Variants in BAIAP2 observed in about 807,000 individuals in gnomAD.
The protein encoded by BAIAP2 is BAR/IMD domain containing adaptor protein 2.
In BAIAP2, 18 loss-of-function variants were observed where a neutral mutation model predicts 63.0. The ratio of observed to expected loss-of-function variants is 0.29; its 90% confidence interval spans 0.20 to 0.42. The LOEUF (loss-of-function observed/expected upper bound fraction) is 0.42, where lower values mean the gene tolerates loss of function less well. Ranked by LOEUF, BAIAP2 falls within the 10% of genes least tolerant of loss-of-function variation. The pLI, the probability that BAIAP2 is intolerant of heterozygous loss-of-function variation, is 1.00. For synonymous variants in BAIAP2, 386 were observed against 307.6 expected, an observed-to-expected ratio of 1.25 and a Z score of -2.67; for missense variants, 610 against 734.3, an observed-to-expected ratio of 0.83 and a Z score of 1.96.
chr17:81,072,673 C>T (rs371436924), intron 3 of BAIAP2, among the ~76,000 whole-genome samples: 2 of 152,284 alleles, frequency 1.3e-5, no homozygotes, highest in Non-Finnish European at 2.9e-5. Flanking sequence ...GCCCAGAGGC[C>T]ACGCCTCCCA....
chr17:81,051,018 C>T (rs1390899373), intron 1 of BAIAP2, among the ~76,000 whole-genome samples: 1 of 151,930 alleles, frequency 6.6e-6, no homozygotes, highest in Non-Finnish European at 1.5e-5. Context: ...ACTCTTCAGG[C>T]ATTGTCTCTG....
intron 3 of BAIAP2, among the ~76,000 whole-genome samples, chr17:81,070,410 T>C (rs2052382775): frequency 1.3e-5 from 2 of 152,194 alleles, no homozygotes; most frequent in Non-Finnish European, 2.9e-5. Flanking sequence ...CCTTGGTCAC[T>C]TGTGGCCAAA....
chr17:81,102,469 C>T (rs993497518), intron 7 of BAIAP2, among the ~76,000 whole-genome samples: 6 of 152,284 alleles, frequency 3.9e-5, no homozygotes, highest in Middle Eastern at 3.4e-3. Context: ...TGGGCCGTGC[C>T]GTCTCCAGCT....
intron 13 of BAIAP2, among the ~76,000 whole-genome samples, chr17:81,112,447 C>T (rs891679960): frequency 6.6e-6 from 1 of 152,216 alleles, no homozygotes; most frequent in Non-Finnish European, 1.5e-5. Flanking sequence ...CAAGAGACTC[C>T]CCAATCCCAT....
In BAIAP2 at chr17:81,068,096, T is replaced by C. The variant is rs551502255; in HGVS notation, c.217+10129T>C. Among the ~76,000 whole-genome samples the C allele has an allele frequency of 6.1e-4, 93 of 152,282 alleles. 3 individuals carry two copies. The East Asian group carries it at 0.017, about 28-fold the overall frequency. On this transcript the variant is annotated intron_variant, in intron 3 of 13. Transcript: ENST00000428708. ...CTGGGGGACGTGGGTCCCATGCACT[T>C]TGGGTGGTGCCAGTTGGCAGAAGGG...
intron 2 of BAIAP2, among the ~76,000 whole-genome samples, chr17:81,056,704 T>C (rs1344072343): frequency 6.6e-6 from 1 of 152,230 alleles, no homozygotes; most frequent in Non-Finnish European, 1.5e-5. Flanking sequence ...TACTTCCTGC[T>C]CCTGCTTTTC....
chr17:81,074,660 G>A (rs1401247610), intron 3 of BAIAP2, among the ~76,000 whole-genome samples: 1 of 149,890 alleles, frequency 6.7e-6, no homozygotes. Flanking sequence ...CTCTGTGTCT[G>A]CGTGCACGGA....
rs1302032540 is a variant in BAIAP2 at position 81,046,617 on chromosome 17, C to T, written c.55-7051C>T. Among the ~76,000 whole-genome samples, 1 of 152,094 alleles carries T rather than the reference C, an allele frequency of 6.6e-6. No homozygotes were observed. Among genetic ancestry groups the T allele is most frequent in the African/African-American group, 2.4e-5 (1 of 41,422 alleles). On this transcript the variant is annotated intron_variant, in intron 1 of 13. Coordinates refer to ENST00000428708, the MANE Select transcript of BAIAP2 (RefSeq NM_001144888.2). The surrounding 1 kb of genome is among the most constrained non-coding windows in gnomAD (Gnocchi z 4.5). Reference sequence around the variant, plus strand: ...CGATGCTCTCTGCCCACAGAAGTCCCCCAACCCCCCTGGCAGCCAAGGGAA... The same window carrying T: ...CGATGCTCTCTGCCCACAGAAGTCCTCCAACCCCCCTGGCAGCCAAGGGAA...
chr17:81,089,071 G>T (rs963144077), intron 6 of BAIAP2, among the ~76,000 whole-genome samples: 2 of 152,270 alleles, frequency 1.3e-5, no homozygotes, highest in African/African-American at 2.4e-5. Context: ...CTGCTCTGCC[G>T]TGGGCCCCGG....
chr17:81,066,125 A>G (rs1297784782), intron 3 of BAIAP2, among the ~76,000 whole-genome samples: 1 of 152,040 alleles, frequency 6.6e-6, no homozygotes, highest in African/African-American at 2.4e-5. Context: ...GCCCTTTCCC[A>G]TCTCTGGAGG....
chr17:81,042,606 C>T (rs2047240487), intron 1 of BAIAP2, among the ~76,000 whole-genome samples: 1 of 152,108 alleles, frequency 6.6e-6, no homozygotes, highest in African/African-American at 2.4e-5. Flanking sequence ...GCCAGGTGAC[C>T]GCCTGCTTGT....
chr17:81,037,629 G>A (rs933876078), intron 1 of BAIAP2, among the ~76,000 whole-genome samples: 62 of 152,228 alleles, frequency 4.1e-4, no homozygotes, highest in African/African-American at 1.4e-3. Flanking sequence ...CTCCTGGGAC[G>A]GTGCTGCCTC....
At chr17:81,072,414 G>C (rs1453923843) in intron 3 of BAIAP2, among the ~76,000 whole-genome samples, 1 of 152,170 alleles carries the variant, frequency 6.6e-6, no homozygotes, top group Non-Finnish European at 1.5e-5. Context: ...CACTTCTCAG[G>C]GTCCAGTGGA....
intron 6 of BAIAP2, among the ~76,000 whole-genome samples, chr17:81,094,837 T>C (rs2057363927): frequency 6.6e-6 from 1 of 152,250 alleles, no homozygotes; most frequent in Non-Finnish European, 1.5e-5. Context: ...CGAGTAAGTG[T>C]TACCCATGGT....
intron 3 of BAIAP2, among the ~76,000 whole-genome samples, chr17:81,080,706 T>A (rs2054467356): frequency 6.6e-6 from 1 of 152,180 alleles, no homozygotes; most frequent in African/African-American, 2.4e-5. Flanking sequence ...GACATTCACT[T>A]ATAATTTGGG....
At chr17:81,114,452 C>G (rs999281975) in intron 13 of BAIAP2, among the ~76,000 whole-genome samples, 1 of 152,066 alleles carries the variant, frequency 6.6e-6, no homozygotes, top group African/African-American at 2.4e-5. Flanking sequence ...CTACCCAGGC[C>G]CCAGGAAGGG....
chr17:81,104,446 C>T, intron 9 of BAIAP2, 68 bp from the exon 10 acceptor site: 1 of 1,499,750 alleles, frequency 6.7e-7, no homozygotes, highest in Non-Finnish European at 8.9e-7. Flanking sequence ...GCACCTCAAC[C>T]AGACTCCCTG....
At chr17:81,054,642 G>A (rs542570394) in intron 2 of BAIAP2, among the ~76,000 whole-genome samples, 10 of 152,134 alleles carry the variant, frequency 6.6e-5, no homozygotes, top group African/African-American at 2.2e-4. Context: ...CAGCAGCTTC[G>A]GGTTTGAGAA....
chr17:81,109,372 T>TA (rs747875777), intron 13 of BAIAP2: 413 of 889,774 alleles, frequency 4.6e-4, no homozygotes, highest in South Asian at 1.0e-3. Flanking sequence ...AGAAAAATCT[T>TA]AAAAAAAAAA....
Sources: gnomAD v4.1 joint callset for allele counts (sites outside exome capture counted in the v4.1 genomes callset) on GRCh38, gnomAD v4.1.1 for gene constraint, Gnocchi (gnomAD v3.1) non-coding constraint, MANE v1.5 for transcripts, NCBI Gene and HGNC (gene_info 2026-07-23, HGNC 2026-07-21) for gene names.